SLIT3: variants seen among roughly 807,000 people sequenced by gnomAD.
SLIT3 encodes slit homolog 3 protein.
In SLIT3, 68 loss-of-function variants were observed where a neutral mutation model predicts 184.0. That is an observed-to-expected ratio of 0.37 (90% confidence interval 0.30 to 0.45). The LOEUF (loss-of-function observed/expected upper bound fraction) is 0.45. Among genes scored for constraint, SLIT3 ranks in the 20% least tolerant of loss-of-function variants. SLIT3 has a pLI of 1.00. For synonymous variants in SLIT3, 831 were observed against 828.6 expected (o/e 1.00, Z -0.05); for missense variants, 1,707 against 2,026.0 (o/e 0.84, Z 3.02).
At chr5:169,025,230 A>G (rs1253294381) in intron 4 of SLIT3, among the ~76,000 whole-genome samples, 1 of 152,214 alleles carries the variant, frequency 6.6e-6, no homozygotes, top group East Asian at 1.9e-4. Flanking sequence ...CTGGAATTTT[A>G]AAGACACTAT....
chr5:169,067,440 G>C (rs560033723), intron 4 of SLIT3, among the ~76,000 whole-genome samples: 1 of 152,132 alleles, frequency 6.6e-6, no homozygotes, highest in African/African-American at 2.4e-5. Flanking sequence ...AAAGAATGAA[G>C]AATAATTACC....
At chr5:168,812,509 C>T (rs1471962824) in intron 8 of SLIT3, among the ~76,000 whole-genome samples, 1 of 152,116 alleles carries the variant, frequency 6.6e-6, no homozygotes, top group Non-Finnish European at 1.5e-5. Context: ...AAAAAATTTA[C>T]AGAATATTTT....
chr5:168,835,211 T>C (rs1758010498), intron 6 of SLIT3, among the ~76,000 whole-genome samples: 1 of 152,180 alleles, frequency 6.6e-6, no homozygotes, highest in African/African-American at 2.4e-5. Flanking sequence ...TTATAAATTT[T>C]ACATAAAATT....
Position 169,217,337 on chromosome 5 carries a change from C to T in SLIT3, c.342-23787G>A, listed in dbSNP as rs983744395. Among the ~76,000 whole-genome samples, 4 of 152,092 alleles carry T rather than the reference C, an allele frequency of 2.6e-5. No individual in the cohort carries two copies. The South Asian group carries it at 8.3e-4, about 32-fold the overall frequency. ...ACACACTCTCCACTTGTAAGCAGGG[C>T]AGAGTTCCTGGGGAAAATATAGAGC... is the stretch of plus-strand genomic sequence containing the variant. On this transcript the variant is annotated intron_variant, in intron 3 of 35. Coordinates refer to ENST00000519560, the MANE Select transcript of SLIT3 (RefSeq NM_003062.4).
chr5:168,909,109 G>C (rs1386818946), intron 4 of SLIT3, among the ~76,000 whole-genome samples: 1 of 152,170 alleles, frequency 6.6e-6, no homozygotes, highest in Non-Finnish European at 1.5e-5. Flanking sequence ...GCGTCCTCCG[G>C]TCACACATCT....
chr5:168,701,440 G>T (rs1022055691), intron 26 of SLIT3, among the ~76,000 whole-genome samples: 1 of 152,214 alleles, frequency 6.6e-6, no homozygotes, highest in Admixed American at 6.5e-5. Flanking sequence ...ACTCAGGGTG[G>T]TGTGGGATTC....
intron 15 of SLIT3, 96 bp from the exon 16 acceptor site, chr5:168,761,032 C>G (rs1467859333): frequency 1.1e-5 from 10 of 914,900 alleles, no homozygotes; most frequent in Non-Finnish European, 1.6e-5. Flanking sequence ...GAACCTCACA[C>G]TCGGTGAAGG....
At chr5:168,932,791 A>G (rs1440534919) in intron 4 of SLIT3, among the ~76,000 whole-genome samples, 1 of 152,182 alleles carries the variant, frequency 6.6e-6, no homozygotes, top group African/African-American at 2.4e-5. Context: ...CATCTAAACC[A>G]CACTGTGCAT....
intron 5 of SLIT3, among the ~76,000 whole-genome samples, chr5:168,878,721 T>G (rs1201210413): frequency 6.6e-6 from 1 of 151,310 alleles, no homozygotes; most frequent in Non-Finnish European, 1.5e-5. Flanking sequence ...TTCTTCCTTT[T>G]TTTTTTTTTT....
chr5:168,955,094 G>C (rs1442083456), intron 4 of SLIT3, among the ~76,000 whole-genome samples: 1 of 145,628 alleles, frequency 6.9e-6, no homozygotes, highest in African/African-American at 2.6e-5. Context: ...ATGTTGGGGG[G>C]TGGTGGGGGT....
intron 9 of SLIT3, among the ~76,000 whole-genome samples, chr5:168,799,107 G>C (rs1167557320): frequency 6.6e-6 from 1 of 152,184 alleles, no homozygotes; most frequent in Non-Finnish European, 1.5e-5. Context: ...AGCAAGGTTG[G>C]AAAGTGTGCA....
rs1761238424 is a variant in SLIT3 at position 168,671,410 on chromosome 5, G to A, written c.3915C>T (p.Cys1305=). 1 of 1,614,092 alleles carries A rather than the reference G, an allele frequency of 6.2e-7. No homozygotes were observed. The change falls in exon 34 of 36, where the codon TGC becomes TGT. Residue 1305 remains cysteine, a synonymous_variant. Coordinates refer to ENST00000519560, the MANE Select transcript of SLIT3 (RefSeq NM_003062.4). ...TDRPLGGFHG[C]IHEVRINNEL... is the part of the protein sequence containing the mutation. ...CGTTGTTGATGCGCACCTCATGGAT[G>A]CATCCGTGGAAGCCGCCTAGAGGCC...
intron 5 of SLIT3, among the ~76,000 whole-genome samples, chr5:168,858,087 AGT>A (rs1245200455): frequency 1.3e-5 from 2 of 152,260 alleles, no homozygotes; most frequent in Non-Finnish European, 2.9e-5. Context: ...AGCATTCAAC[AGT>A]GTTTCCAGCA....
chr5:168,700,693 G>A lies in SLIT3; in HGVS notation c.2845-14C>T. 3 of 1,607,680 alleles carry A rather than the reference G, an allele frequency of 1.9e-6. No homozygotes were observed. The highest frequency in any genetic ancestry group is 1.7e-6 in the Non-Finnish European group (2 of 1,174,374). On this transcript the variant is annotated splice_polypyrimidine_tract_variant and intron_variant, in intron 26 of 35. Coordinates refer to ENST00000519560, the MANE Select transcript of SLIT3 (RefSeq NM_003062.4). ...GCAGTCCTTGCCCTGAGGAGCAAAAGAGGGAGAAGCACCTGGTTAGGGGGA... is the reference window on the plus strand; with the variant it reads ...GCAGTCCTTGCCCTGAGGAGCAAAAAAGGGAGAAGCACCTGGTTAGGGGGA...
At chr5:169,105,386 C>T (rs1379129514) in intron 4 of SLIT3, among the ~76,000 whole-genome samples, 9 of 152,168 alleles carry the variant, frequency 5.9e-5, no homozygotes, top group Non-Finnish European at 1.3e-4. Context: ...CAACGAAATA[C>T]CCAAGGTACG....
chr5:169,027,010 G>A (rs1245042642), intron 4 of SLIT3, among the ~76,000 whole-genome samples: 1 of 152,200 alleles, frequency 6.6e-6, no homozygotes, highest in Non-Finnish European at 1.5e-5. Context: ...ATCTTTAGGA[G>A]TAAAAGAATG....
intron 29 of SLIT3, among the ~76,000 whole-genome samples, 170 bp downstream of exon 29, chr5:168,692,437 C>A (rs775930464): frequency 3.9e-5 from 6 of 152,098 alleles, no homozygotes; most frequent in African/African-American, 1.4e-4. Context: ...GACAGAGGCA[C>A]GCATAGGGAA....
chr5:168,972,420 G>A (rs1041051040), intron 4 of SLIT3, among the ~76,000 whole-genome samples: 1 of 147,082 alleles, frequency 6.8e-6, no homozygotes, highest in Non-Finnish European at 1.5e-5. Context: ...TTTTTGGCTG[G>A]AGCAACTGGG....
chr5:168,665,779 G>T lies in SLIT3; in HGVS notation c.*675C>A, dbSNP rs1301066072. ...CCCAGTGGGTTCAGATACCCTGAAG[G>T]GGGGTCTGGGACAGACAGGGACAGC... On this transcript the variant is annotated 3_prime_UTR_variant, in exon 36 of 36. Coordinates refer to ENST00000519560, the MANE Select transcript of SLIT3 (RefSeq NM_003062.4). 2 of 152,508 alleles carry T rather than the reference G, an allele frequency of 1.3e-5. No homozygotes were observed. The highest frequency in any genetic ancestry group is 1.9e-4 in the East Asian group (1 of 5,194). The allele number at this position is 152,508 out of a possible 1,614,324, so 9.4% of individuals were successfully genotyped here. A position where few individuals can be genotyped will look rare whatever the true frequency, so the allele number is the denominator to read the frequency against.
Sources: allele counts gnomAD v4.1 joint callset (sites outside exome capture counted in the v4.1 genomes callset), GRCh38; gene constraint gnomAD v4.1.1; transcripts MANE v1.5; gene names NCBI Gene and HGNC (gene_info 2026-07-23, HGNC 2026-07-21).